The following RPS6KA2 variants were observed in gnomAD, a reference collection of about 807,000 sequenced individuals.
RPS6KA2 encodes the protein ribosomal protein S6 kinase A2.
RPS6KA2 carries 42 observed loss-of-function variants against 91.8 expected under a neutral mutation model. The ratio of observed to expected loss-of-function variants is 0.46; its 90% CI spans 0.36 to 0.59. The LOEUF (loss-of-function observed/expected upper bound fraction) is 0.59. RPS6KA2 is among the 20% of genes least tolerant of loss of function. The pLI, the probability that RPS6KA2 is intolerant of heterozygous loss-of-function variation, is 0.00. For missense variants in RPS6KA2, 798 were observed against 978.5 expected (o/e 0.82, Z 2.46); for synonymous variants, 414 against 393.6 (o/e 1.05, Z -0.61).
intron 2 of RPS6KA2, chr6:166,702,235 C>G (rs1789545616): frequency 6.2e-7 from 1 of 1,612,292 alleles, no homozygotes; most frequent in Non-Finnish European, 8.5e-7. Context: ...CCAGCAGGCA[C>G]AGAGGCAAAT....
At chr6:166,512,994 GTC>G (rs1328955790) in intron 3 of RPS6KA2, among the ~76,000 whole-genome samples, 1 of 152,126 alleles carries the variant, frequency 6.6e-6, no homozygotes, top group African/African-American at 2.4e-5. Flanking sequence ...CAGCAGGGGT[GTC>G]CAATCTTTTG....
intron 14 of RPS6KA2, among the ~76,000 whole-genome samples, chr6:166,447,336 G>A (rs1779712722): frequency 6.6e-6 from 1 of 151,986 alleles, no homozygotes; most frequent in Admixed American, 6.6e-5. Flanking sequence ...CAAGACTCTG[G>A]GCAGACTAAA....
At chr6:166,742,382 C>G (rs75250076) in intron 2 of RPS6KA2, among the ~76,000 whole-genome samples, 1 of 152,190 alleles carries the variant, frequency 6.6e-6, no homozygotes, top group Non-Finnish European at 1.5e-5. Context: ...GTGGTATCCT[C>G]TCCGGTGTGG....
At chr6:166,695,807 TAGGAGCACTGGATTCTCAC>T (rs1562388014) in intron 2 of RPS6KA2, among the ~76,000 whole-genome samples, 103 of 132,866 alleles carry the variant, frequency 7.8e-4, no homozygotes, top group African/African-American at 3.0e-3. Context: ...TGGATTCTCA[TAGGAGCACTGGATTCTCAC>T]AGGAGCACTG....
At chr6:166,716,226 G>A (rs1156533422) in intron 2 of RPS6KA2, among the ~76,000 whole-genome samples, 2 of 152,064 alleles carry the variant, frequency 1.3e-5, no homozygotes, top group Non-Finnish European at 1.5e-5. Flanking sequence ...CCACAAAACC[G>A]TCACCAAGCC....
At chr6:166,414,956 C>G (rs1489144904) in intron 19 of RPS6KA2, among the ~76,000 whole-genome samples, 1 of 152,096 alleles carries the variant, frequency 6.6e-6, no homozygotes, top group Non-Finnish European at 1.5e-5. Flanking sequence ...TCCCAGCTAC[C>G]TGGGGGGCTG....
In RPS6KA2 at chr6:166,445,639, C is replaced by T. The variant is rs964933026; in HGVS notation, c.1332+3085G>A. On this transcript the variant is annotated intron_variant, in intron 14 of 20. Coordinates refer to ENST00000265678, the MANE Select transcript of RPS6KA2 (RefSeq NM_021135.6). The surrounding 1 kb of genome is among the most constrained non-coding windows in gnomAD (Gnocchi z 4.5). ...ATCCATCGATTCTGGTCACTCTCCT[C>T]ATTGCTTACTAAAGATTGCTGCATT... 6.6e-6 allele frequency among the ~76,000 whole-genome samples: 1 copy of T among 152,224 alleles called. No individual in the cohort carries two copies. Among genetic ancestry groups the T allele is most frequent in the Admixed American group, 6.5e-5 (1 of 15,284 alleles).
rs201235535 is a variant in RPS6KA2, at chr6:166,553,567, TG to T, written c.100-14784del. 6.5e-3 allele frequency among the ~76,000 whole-genome samples: 979 copies of T among 149,554 alleles called. 11 individuals are homozygous for T. Among genetic ancestry groups the T allele is most frequent in the African/African-American group, 0.023 (931 of 40,622 alleles). On this transcript the variant is annotated intron_variant, in intron 1 of 20. Coordinates refer to ENST00000265678, the MANE Select transcript of RPS6KA2 (RefSeq NM_021135.6). ...TGGTGTTCCCAAGTAGCAAACTGAC[TG>T]GGCAGAGTGGGAAGGACTCAGAGAC...
intron 2 of RPS6KA2, among the ~76,000 whole-genome samples, chr6:166,766,603 G>T (rs562236310): frequency 2.0e-4 from 31 of 152,122 alleles, no homozygotes; most frequent in Non-Finnish European, 4.1e-4. Flanking sequence ...TAAAATTAAT[G>T]ATTTTTCTCC....
At chr6:166,801,586 T>C (rs1299713322) in intron 2 of RPS6KA2, among the ~76,000 whole-genome samples, 2 of 152,148 alleles carry the variant, frequency 1.3e-5, no homozygotes, top group Non-Finnish European at 2.9e-5. Flanking sequence ...GCCCCAAATG[T>C]TCCTCCTGCC....
At chr6:166,601,338 C>T (rs1308190262) in intron 1 of RPS6KA2, among the ~76,000 whole-genome samples, 1 of 152,218 alleles carries the variant, frequency 6.6e-6, no homozygotes, top group Non-Finnish European at 1.5e-5. Flanking sequence ...GCACTTCTAC[C>T]TAAAACATCT....
At chr6:166,783,202 C>A (rs1778817118) in intron 2 of RPS6KA2, among the ~76,000 whole-genome samples, 1 of 151,660 alleles carries the variant, frequency 6.6e-6, no homozygotes. Context: ...AATCCTCCCG[C>A]CTCAGCCTTC....
chr6:166,795,904 C>T (rs769871470), intron 2 of RPS6KA2, among the ~76,000 whole-genome samples: 8 of 152,226 alleles, frequency 5.3e-5, no homozygotes, highest in Non-Finnish European at 1.0e-4. Context: ...GAGTTGTGTC[C>T]TCTGGACCAA....
At chr6:166,590,542 T>C (rs3778382) in intron 1 of RPS6KA2, among the ~76,000 whole-genome samples, 58,452 of 151,946 alleles carry the variant, frequency 0.38, 11,552 homozygotes, top group East Asian at 0.54. Context: ...GAAATCCTCA[T>C]TGAGGACTTC....
intron 2 of RPS6KA2, among the ~76,000 whole-genome samples, chr6:166,669,248 G>T (rs1018196327): frequency 5.3e-5 from 8 of 152,224 alleles, no homozygotes; most frequent in African/African-American, 7.2e-5. Context: ...AGAGCTGGGG[G>T]ATCAGCACCT....
chr6:166,838,996 G>A (rs1467375824), intron 2 of RPS6KA2, among the ~76,000 whole-genome samples: 3 of 152,172 alleles, frequency 2.0e-5, no homozygotes, highest in African/African-American at 7.2e-5. Context: ...AAGGAGTACT[G>A]GCACCTCTGG....
chr6:166,851,642 C>T (rs1404884246), intron 2 of RPS6KA2, among the ~76,000 whole-genome samples: 1 of 152,184 alleles, frequency 6.6e-6, no homozygotes, highest in Non-Finnish European at 1.5e-5. Flanking sequence ...ACACAGTCTC[C>T]AGCCGGTGCC....
intron 2 of RPS6KA2, among the ~76,000 whole-genome samples, chr6:166,660,762 C>T (rs1425252224): frequency 1.3e-5 from 2 of 152,078 alleles, no homozygotes; most frequent in African/African-American, 4.8e-5. Flanking sequence ...CAGGCGTTTC[C>T]TCGGGTTTTC....
intron 16 of RPS6KA2, among the ~76,000 whole-genome samples, chr6:166,429,612 G>A (rs982274823): frequency 2.6e-5 from 4 of 151,800 alleles, no homozygotes; most frequent in African/African-American, 7.3e-5. Context: ...CACCAAGCCT[G>A]GCTAATTTTT....
Sources: allele counts gnomAD v4.1 joint callset (sites outside exome capture counted in the v4.1 genomes callset), GRCh38; gene constraint gnomAD v4.1.1; non-coding constraint Gnocchi (gnomAD v3.1); transcripts MANE v1.5; gene names NCBI Gene and HGNC (gene_info 2026-07-23, HGNC 2026-07-21).